Variants in KAZN observed in about 807,000 individuals in gnomAD.
KAZN encodes the protein kazrin.
A neutral mutation model predicts 87.4 loss-of-function variants in KAZN; 40 were observed. That is an observed-to-expected ratio of 0.46 (90% CI 0.36 to 0.60). KAZN has a LOEUF of 0.60. Among genes scored for constraint, KAZN ranks in the 20% least tolerant of loss-of-function variants. KAZN has a pLI of 0.00. For missense variants in KAZN, 898 were observed against 1,073.9 expected (o/e 0.84, Z 2.29); for synonymous variants, 466 against 458.3 (o/e 1.02, Z -0.22).
At position 14,769,291 on chromosome 1, in the gene KAZN, T is replaced by G. The variant is rs888398650; in HGVS notation, c.226+170068T>G. ...CATCTGAATTGCAGAACCACGTTAT[T>G]GGCTTTTGGAAAGTCCCCTGAGTGT... On this transcript the variant is annotated intron_variant, in intron 1 of 14. Coordinates refer to ENST00000376030, the MANE Select transcript of KAZN (RefSeq NM_201628.3). The surrounding 1 kb of genome is among the most constrained non-coding windows in gnomAD (Gnocchi z 4.1). Among the ~76,000 whole-genome samples the G allele has an allele frequency of 2.6e-5, 4 of 152,190 alleles. No homozygotes were observed. Among genetic ancestry groups the G allele is most frequent in the African/African-American group, 9.7e-5 (4 of 41,446 alleles).
At chr1:14,692,218 GA>G in intron 1 of KAZN, 1 of 530,528 alleles carries the variant, frequency 1.9e-6, no homozygotes, top group Non-Finnish European at 3.1e-6. Flanking sequence ...AACATCTGTT[GA>G]AGATCCAAAT....
rs561159813 is a variant in KAZN at position 14,101,332 on chromosome 1, C to A, written c.92-79103C>A. Among the ~76,000 whole-genome samples, 452 of 152,352 alleles carry A rather than the reference C, an allele frequency of 3.0e-3. 6 individuals are homozygous for A. Among genetic ancestry groups the A allele is most frequent in the African/African-American group, 0.011 (437 of 41,576 alleles). ...AAATTCACCATTTGGAGAATAACAC[C>A]ATTCATCTCTTTGGATGACGGTTTA... On this transcript the variant is annotated intron_variant, in intron 1 of 16. Coordinates refer to the KAZN transcript ENST00000636203.
chr1:14,564,687 C>T (rs899275082), intron 2 of KAZN, among the ~76,000 whole-genome samples: 4 of 151,264 alleles, frequency 2.6e-5, no homozygotes, highest in Non-Finnish European at 5.9e-5. Flanking sequence ...GTGGTAGGCA[C>T]CTGTAATCCC....
Position 15,077,418 on chromosome 1 carries a change from G to A in KAZN, c.1222+11665G>A, listed in dbSNP as rs533846231. 1.1e-4 allele frequency among the ~76,000 whole-genome samples: 16 copies of A among 152,324 alleles called. No homozygotes were observed. Among genetic ancestry groups the A allele is most frequent in the African/African-American group, 2.9e-4 (12 of 41,574 alleles). On this transcript the variant is annotated intron_variant, in intron 8 of 14. Coordinates refer to ENST00000376030, the MANE Select transcript of KAZN (RefSeq NM_201628.3). The surrounding 1 kb of genome is among the most constrained non-coding windows in gnomAD (Gnocchi z 4.8). ...TGACGGCCAGGCAGCAGGGCTCCAC[G>A]CTTGTTTCTCAACCCAGAGAAGTGT... is the stretch of plus-strand genomic sequence containing the variant.
At chr1:14,971,430 C>T (rs980728731) in intron 2 of KAZN, among the ~76,000 whole-genome samples, 2 of 152,072 alleles carry the variant, frequency 1.3e-5, no homozygotes, top group Non-Finnish European at 2.9e-5. Context: ...AAATCTTCTA[C>T]GGCCTTCTAG....
chr1:14,700,014 G>A (rs879785317), intron 1 of KAZN, among the ~76,000 whole-genome samples: 4 of 152,166 alleles, frequency 2.6e-5, no homozygotes, highest in Admixed American at 1.3e-4. Flanking sequence ...AGTATGGTGC[G>A]TTCAAGGAAC....
chr1:14,098,754 C>G (rs1219785102), intron 1 of KAZN, among the ~76,000 whole-genome samples: 1 of 152,190 alleles, frequency 6.6e-6, no homozygotes, highest in African/African-American at 2.4e-5. Flanking sequence ...CTCATGCATT[C>G]CAACCCTGTG....
At chr1:14,908,888 G>A (rs1572798619) in intron 1 of KAZN, among the ~76,000 whole-genome samples, 2 of 151,824 alleles carry the variant, frequency 1.3e-5, no homozygotes, top group South Asian at 2.1e-4. Context: ...GGTGGCAGGC[G>A]CCTGTAATCC....
chr1:14,133,906 C>T (rs1052816368), intron 1 of KAZN, among the ~76,000 whole-genome samples: 11 of 152,182 alleles, frequency 7.2e-5, no homozygotes, highest in Non-Finnish European at 1.3e-4. Flanking sequence ...TCCTTTTGAC[C>T]TCTAAGTCCT....
chr1:15,049,668 T>G (rs1196636720), intron 4 of KAZN, among the ~76,000 whole-genome samples: 1 of 151,328 alleles, frequency 6.6e-6, no homozygotes, highest in South Asian at 2.1e-4. Context: ...TGTTATTTTC[T>G]GTCTGTGTGA....
intron 13 of KAZN, among the ~76,000 whole-genome samples, chr1:15,105,810 G>A (rs1489001391): frequency 1.3e-5 from 2 of 152,256 alleles, no homozygotes; most frequent in East Asian, 3.9e-4. Context: ...CACCCAAGCT[G>A]TTCTCAAAGT....
At chr1:15,057,627 C>T (rs537375171) in intron 5 of KAZN, among the ~76,000 whole-genome samples, 4 of 152,276 alleles carry the variant, frequency 2.6e-5, no homozygotes, top group Admixed American at 6.5e-5. Flanking sequence ...GCAGCTCTGG[C>T]CTTCAAAGCC....
At chr1:15,023,774 TG>T (rs1670914213) in intron 2 of KAZN, among the ~76,000 whole-genome samples, 2 of 73,578 alleles carry the variant, frequency 2.7e-5, no homozygotes, top group South Asian at 5.1e-4. Flanking sequence ...GGGGTGGGGG[TG>T]GGGACACAGC....
intron 1 of KAZN, among the ~76,000 whole-genome samples, chr1:14,771,075 A>C (rs1466418831): frequency 6.6e-6 from 1 of 152,106 alleles, no homozygotes; most frequent in Non-Finnish European, 1.5e-5. Context: ...CCAGTGTGGG[A>C]GGAGGGTGCG....
intron 1 of KAZN, among the ~76,000 whole-genome samples, chr1:14,718,796 T>G (rs1459267567): frequency 6.6e-6 from 1 of 152,192 alleles, no homozygotes; most frequent in East Asian, 1.9e-4. Flanking sequence ...ATCCGCACCC[T>G]TTCCTTTCTG....
intron 2 of KAZN, among the ~76,000 whole-genome samples, chr1:15,022,406 G>A (rs961198211): frequency 2.6e-5 from 4 of 152,168 alleles, no homozygotes; most frequent in Middle Eastern, 3.2e-3. Context: ...CATTCAATAC[G>A]CATTATTCAA....
chr1:14,580,032 T>G (rs1675444450), intron 2 of KAZN, among the ~76,000 whole-genome samples: 1 of 152,176 alleles, frequency 6.6e-6, no homozygotes, highest in Admixed American at 6.6e-5. Flanking sequence ...TAGTACCCAT[T>G]GTCACTCACA....
intron 2 of KAZN, among the ~76,000 whole-genome samples, chr1:14,323,573 G>A (rs1453744737): frequency 6.6e-6 from 1 of 152,088 alleles, no homozygotes; most frequent in Non-Finnish European, 1.5e-5. Context: ...CACATCCACT[G>A]TTCATTTCAA....
intron 1 of KAZN, among the ~76,000 whole-genome samples, chr1:14,600,666 CAAAAAA>C (rs59840012): frequency 0.18 from 20,999 of 118,014 alleles, 1,397 homozygotes; most frequent in African/African-American, 0.24. Context: ...GGAACCTGTG[CAAAAAA>C]AAAAAAAAAA....
Sources: gnomAD v4.1 joint callset for allele counts (sites outside exome capture counted in the v4.1 genomes callset) on GRCh38, gnomAD v4.1.1 for gene constraint, Gnocchi (gnomAD v3.1) non-coding constraint, MANE v1.5 for transcripts, NCBI Gene and HGNC (gene_info 2026-07-23, HGNC 2026-07-21) for gene names.